The following PTPRD variants were observed in gnomAD, a reference collection of about 807,000 sequenced individuals.
PTPRD encodes the protein protein tyrosine phosphatase receptor type D.
PTPRD carries 34 observed loss-of-function variants against 214.5 expected under a neutral mutation model. The observed-to-expected ratio is 0.16, with a 90% CI of 0.12 to 0.21. The LOEUF (loss-of-function observed/expected upper bound fraction) is 0.21, where lower values mean the gene tolerates loss of function less well. Ranked by LOEUF, PTPRD falls within the 10% of genes least tolerant of loss-of-function variation. The probability of loss-of-function intolerance (pLI) is 1.00; values close to 1 mark genes in which losing one functional copy is unlikely to be tolerated. For missense variants in PTPRD, 2,545 were observed against 2,398.7 expected, an observed-to-expected ratio of 1.06 and a Z score of -1.27; for synonymous variants, 1,128 against 845.7, an observed-to-expected ratio of 1.33 and a Z score of -5.79.
intron 39 of PTPRD, among the ~76,000 whole-genome samples, chr9:8,346,428 CTCAGT>C (rs1857670144): frequency 6.6e-6 from 1 of 152,088 alleles, no homozygotes; most frequent in South Asian, 2.1e-4. Context: ...TTTCTGCAAT[CTCAGT>C]TATTTGCGGT....
chr9:10,051,866 A>C (rs1474666002), intron 3 of PTPRD, among the ~76,000 whole-genome samples: 2 of 152,230 alleles, frequency 1.3e-5, no homozygotes, highest in Admixed American at 1.3e-4. Flanking sequence ...ACACAAATTT[A>C]ATTTTCAAAT....
intron 3 of PTPRD, among the ~76,000 whole-genome samples, chr9:10,119,591 A>C (rs2098758469): frequency 6.6e-6 from 1 of 152,046 alleles, no homozygotes; most frequent in African/African-American, 2.4e-5. Context: ...ATTTTATTCA[A>C]GTCATTCATT....
At chr9:8,925,826 C>T (rs1375553201) in intron 11 of PTPRD, among the ~76,000 whole-genome samples, 1 of 150,230 alleles carries the variant, frequency 6.7e-6, no homozygotes, top group South Asian at 2.1e-4. Flanking sequence ...TAATTCAACG[C>T]CTCCTCAATT....
chr9:9,571,474 T>C (rs1001217298), intron 8 of PTPRD, among the ~76,000 whole-genome samples: 2 of 151,348 alleles, frequency 1.3e-5, no homozygotes, highest in Non-Finnish European at 3.0e-5. Context: ...AAGCAATAAA[T>C]ATATTTTAAC....
chr9:10,082,629 G>A (rs2098259137), intron 3 of PTPRD, among the ~76,000 whole-genome samples: 1 of 151,832 alleles, frequency 6.6e-6, no homozygotes, highest in Non-Finnish European at 1.5e-5. Context: ...AAGTTATAAG[G>A]CCAAAAAGTA....
At chr9:8,945,679 T>C (rs972161646) in intron 11 of PTPRD, among the ~76,000 whole-genome samples, 2 of 152,110 alleles carry the variant, frequency 1.3e-5, no homozygotes, top group African/African-American at 4.8e-5. Context: ...TCCTGTTTTA[T>C]CATTGATTAT....
chr9:10,334,823 A>T (rs1343553743), intron 3 of PTPRD, among the ~76,000 whole-genome samples: 1 of 151,658 alleles, frequency 6.6e-6, no homozygotes, highest in Non-Finnish European at 1.5e-5. Flanking sequence ...ATTTGAAACT[A>T]AAAATACAAT....
intron 10 of PTPRD, among the ~76,000 whole-genome samples, chr9:9,090,701 T>G (rs1344199402): frequency 6.6e-6 from 1 of 152,114 alleles, no homozygotes; most frequent in Admixed American, 6.6e-5. Flanking sequence ...CTAAGTGAGG[T>G]AAAACTAATG....
intron 9 of PTPRD, among the ~76,000 whole-genome samples, chr9:9,331,366 A>G (rs1373872676): frequency 6.6e-6 from 1 of 152,066 alleles, no homozygotes; most frequent in Non-Finnish European, 1.5e-5. Context: ...TGCCTGGCTC[A>G]TTCTTTCTCG....
intron 12 of PTPRD, among the ~76,000 whole-genome samples, chr9:8,685,964 T>G (rs2097672843): frequency 6.6e-6 from 1 of 152,212 alleles, no homozygotes; most frequent in South Asian, 2.1e-4. Context: ...TTTCAGCGGC[T>G]CATTTTGAGA....
At chr9:8,325,660 T>C (rs1474119481) in intron 44 of PTPRD, among the ~76,000 whole-genome samples, 1 of 151,802 alleles carries the variant, frequency 6.6e-6, no homozygotes, top group Non-Finnish European at 1.5e-5. Context: ...ATTGAATCTA[T>C]AAATTACCTT....
chr9:9,346,610 A>G (rs2048894693), intron 9 of PTPRD, among the ~76,000 whole-genome samples: 1 of 152,136 alleles, frequency 6.6e-6, no homozygotes, highest in South Asian at 2.1e-4. Flanking sequence ...ATGTATATAA[A>G]GCACTCTATA....
intron 9 of PTPRD, among the ~76,000 whole-genome samples, chr9:9,223,804 A>T (rs547849681): frequency 6.6e-6 from 1 of 151,948 alleles, no homozygotes; most frequent in African/African-American, 2.4e-5. Context: ...ATTATAAATG[A>T]TATGTCTCTG....
chr9:8,873,360 G>A (rs1016657558), intron 11 of PTPRD, among the ~76,000 whole-genome samples: 1 of 152,082 alleles, frequency 6.6e-6, no homozygotes, highest in Non-Finnish European at 1.5e-5. Flanking sequence ...GTTGTATGTG[G>A]TTGTTTTAAT....
chr9:8,392,835 A>G (rs1287132017), intron 36 of PTPRD, among the ~76,000 whole-genome samples: 1 of 152,156 alleles, frequency 6.6e-6, no homozygotes, highest in South Asian at 2.1e-4. Context: ...TCCTGTATTC[A>G]TAAAACCCAA....
intron 35 of PTPRD, among the ~76,000 whole-genome samples, chr9:8,414,930 G>GAGAGAGAGAGAGAGAGA (rs2093802531): frequency 2.0e-5 from 1 of 49,252 alleles, no homozygotes; most frequent in African/African-American, 7.8e-5. Flanking sequence ...AGAGGGAGGG[G>GAGAGAGAGAGAGAGAGA]GAGAGAGAGA....
chr9:9,858,196 G>C (rs778172365), intron 5 of PTPRD, among the ~76,000 whole-genome samples: 2 of 152,094 alleles, frequency 1.3e-5, no homozygotes, highest in African/African-American at 4.8e-5. Flanking sequence ...TTAAAATACG[G>C]ATTATTTCAT....
At chr9:9,425,330 T>G (rs1277808147) in intron 8 of PTPRD, among the ~76,000 whole-genome samples, 1 of 150,374 alleles carries the variant, frequency 6.7e-6, no homozygotes, top group African/African-American at 2.4e-5. Context: ...GATGATGGTG[T>G]GTAGTGCAGC....
chr9:9,625,783 A>G (rs2095408133), intron 7 of PTPRD, among the ~76,000 whole-genome samples: 1 of 152,180 alleles, frequency 6.6e-6, no homozygotes, highest in South Asian at 2.1e-4. Context: ...AACGGCCAGC[A>G]AAGCAAAGAA....
Sources: allele counts gnomAD v4.1 joint callset (sites outside exome capture counted in the v4.1 genomes callset), GRCh38; gene constraint gnomAD v4.1.1; transcripts MANE v1.5; gene names NCBI Gene and HGNC (gene_info 2026-07-23, HGNC 2026-07-21).